VPS13B: variants seen among roughly 807,000 people sequenced by gnomAD.
VPS13B encodes the protein intermembrane lipid transfer protein VPS13B.
In VPS13B, 285 loss-of-function variants were observed where a neutral mutation model predicts 426.4. The observed-to-expected ratio is 0.67, with a 90% CI of 0.61 to 0.74. The LOEUF (loss-of-function observed/expected upper bound fraction) is 0.74. Ranked by LOEUF, VPS13B falls within the 30% of genes least tolerant of loss-of-function variation. The pLI, the probability that VPS13B is intolerant of heterozygous loss-of-function variation, is 0.00. For missense variants in VPS13B, 4,537 were observed against 4,782.6 expected (o/e 0.95, Z 1.51); for synonymous variants, 1,676 against 1,676.4 (o/e 1.00, Z 0.01).
At chr8:99,384,730 G>A (rs148927763) in intron 20 of VPS13B, among the ~76,000 whole-genome samples, 183 of 152,200 alleles carry the variant, frequency 1.2e-3, no homozygotes, top group African/African-American at 4.1e-3. Flanking sequence ...GCGTGATCTC[G>A]GCCCACTCCC....
At chr8:99,064,328 C>T (rs766246720) in intron 3 of VPS13B, among the ~76,000 whole-genome samples, 7 of 152,078 alleles carry the variant, frequency 4.6e-5, no homozygotes, top group Non-Finnish European at 8.8e-5. Context: ...GGAGGATGGT[C>T]GAATCCATTG....
intron 35 of VPS13B, among the ~76,000 whole-genome samples, chr8:99,679,463 A>G (rs1188782800): frequency 6.6e-6 from 1 of 152,148 alleles, no homozygotes; most frequent in Non-Finnish European, 1.5e-5. Context: ...TGATTTGGGG[A>G]GGATTATGAA....
At chr8:99,365,556 G>C (rs548164999) in intron 19 of VPS13B, among the ~76,000 whole-genome samples, 2 of 122,284 alleles carry the variant, frequency 1.6e-5, no homozygotes, top group African/African-American at 3.2e-5. Context: ...TCGCTCTGTC[G>C]CCCAGGCTGG....
At chr8:99,809,266 A>T in intron 43 of VPS13B, 109 bp from the exon 44 acceptor site, 2 of 1,417,584 alleles carry the variant, frequency 1.4e-6, no homozygotes, top group Non-Finnish European at 2.0e-6. Context: ...AAGAAAACAG[A>T]TGCAAAATAT....
chr8:99,453,379 A>G (rs2133467429), intron 23 of VPS13B, among the ~76,000 whole-genome samples: 1 of 152,342 alleles, frequency 6.6e-6, no homozygotes, highest in South Asian at 2.1e-4. Context: ...CTCAGAAACT[A>G]ACTTCCAATT....
chr8:99,241,398 CTT>C lies in VPS13B; in HGVS notation c.2516-32797_2516-32796del, dbSNP rs1588167137. On this transcript the variant is annotated intron_variant, in intron 17 of 61. Coordinates refer to ENST00000357162, the MANE Select transcript of VPS13B (RefSeq NM_152564.5). Reference sequence around the variant, plus strand: ...TATAATTATGAATGATATATATTCTCTTTTGTGGCTAGAGTCAGTCAGGTCTT... The same window carrying C: ...TATAATTATGAATGATATATATTCTCTTGTGGCTAGAGTCAGTCAGGTCTT... The C allele has an allele frequency of 2.0e-5, 3 of 152,212 alleles. No individual in the cohort carries two copies. In the East Asian group the frequency reaches 5.8e-4, roughly 29 times the overall value. The allele number at this position is 152,212 out of a possible 1,614,324, so 9.4% of individuals were successfully genotyped here.
chr8:99,852,222 A>G (rs1351530345), intron 55 of VPS13B, among the ~76,000 whole-genome samples: 3 of 152,228 alleles, frequency 2.0e-5, no homozygotes, highest in Non-Finnish European at 4.4e-5. Context: ...TTGGTTATAG[A>G]CATGATAAGC....
intron 30 of VPS13B, among the ~76,000 whole-genome samples, chr8:99,534,970 A>G (rs1823122777): frequency 6.6e-6 from 1 of 152,178 alleles, no homozygotes; most frequent in Admixed American, 6.5e-5. Context: ...AAACCTGTAA[A>G]TGTGAGAAGC....
intron 33 of VPS13B, 166 bp downstream of exon 33, chr8:99,577,799 A>G (rs1588512418): frequency 1.9e-6 from 2 of 1,046,268 alleles, no homozygotes; most frequent in East Asian, 5.3e-5. Context: ...TTTATTTTAG[A>G]AATTTGTTTG....
Position 99,835,264 on chromosome 8 carries a change from C to A in VPS13B, c.9682C>A (p.Pro3228Thr), listed in dbSNP as rs1563499426. The A allele has an allele frequency of 5.0e-6, 8 of 1,613,752 alleles. No individual in the cohort carries two copies. Among genetic ancestry groups the A allele is most frequent in the East Asian group, 4.5e-5 (2 of 44,822 alleles). ...TYLTLSEDPS[P>T]RVIIHNRCPV... ...TTTAACCCTCTCAGAAGACCCTAGTCCTCGAGTAATTATCCACAATAGATG... is the reference window on the plus strand; with the variant it reads ...TTTAACCCTCTCAGAAGACCCTAGTACTCGAGTAATTATCCACAATAGATG... The change falls in exon 53 of 62, where the codon CCT becomes ACT. Residue 3228 changes from proline to threonine, a missense_variant. Physicochemically the swap from Pro to Thr is conservative, Grantham distance 38 (BLOSUM62 -1). This residue lies in a region of VPS13B where 4,311 missense variants were observed against 4,474.3 expected (regional missense o/e 0.96). Coordinates refer to ENST00000357162, the MANE Select transcript of VPS13B (RefSeq NM_152564.5).
At chr8:99,253,566 G>A (rs1817610770) in intron 17 of VPS13B, among the ~76,000 whole-genome samples, 1 of 152,054 alleles carries the variant, frequency 6.6e-6, no homozygotes, top group Admixed American at 6.6e-5. Context: ...ATATATTGAT[G>A]TTTATATAAT....
chr8:99,417,704 TAATC>T (rs1207391488), intron 21 of VPS13B, among the ~76,000 whole-genome samples: 1 of 152,180 alleles, frequency 6.6e-6, no homozygotes, highest in Non-Finnish European at 1.5e-5. Context: ...AAGACAGTGT[TAATC>T]AGTGTGCTCA....
chr8:99,015,168 T>C (rs1253601583), intron 2 of VPS13B, among the ~76,000 whole-genome samples: 2 of 151,904 alleles, frequency 1.3e-5, no homozygotes, highest in Admixed American at 1.3e-4. Context: ...AATATTTTCA[T>C]TTTATTTTAT....
In VPS13B at chr8:99,481,716, A is replaced by G. The variant is rs199872639; in HGVS notation, c.3784A>G (p.Thr1262Ala). The G allele has an allele frequency of 3.4e-5, 55 of 1,613,902 alleles. 1 individual carries two copies. In the Middle Eastern group the frequency reaches 4.9e-4, roughly 14 times the overall value. ...AGAGACCATGGCAGGGCCTGTTCCT[A>G]CTTCTCCAGTTAGAAGCAGTATAGG... is the stretch of plus-strand genomic sequence containing the variant. ...SPETMAGPVP[T>A]SPVRSSIGTA... The change falls in exon 25 of 62, where the codon ACT (threonine) becomes GCT (alanine). Residue 1262 changes from threonine (T) to alanine (A), a missense_variant. Thr to Ala is a moderately conservative substitution (Grantham distance 58). Coordinates refer to ENST00000357162, the MANE Select transcript of VPS13B (RefSeq NM_152564.5).
intron 3 of VPS13B, among the ~76,000 whole-genome samples, chr8:99,089,487 T>C (rs1034764190): frequency 7.9e-5 from 12 of 152,078 alleles, no homozygotes; most frequent in African/African-American, 2.9e-4. Flanking sequence ...TCAATATATA[T>C]CAAATGTACA....
intron 16 of VPS13B, among the ~76,000 whole-genome samples, chr8:99,192,477 C>T (rs1431381564): frequency 6.6e-6 from 1 of 152,272 alleles, no homozygotes; most frequent in East Asian, 1.9e-4. Flanking sequence ...GTACCTCCCT[C>T]ATAGAGTTAT....
At chr8:99,741,145 G>A (rs561521184) in intron 39 of VPS13B, among the ~76,000 whole-genome samples, 18 of 151,506 alleles carry the variant, frequency 1.2e-4, no homozygotes, top group Non-Finnish European at 2.4e-4. Flanking sequence ...CAAGCAAATG[G>A]AAAACAAAAA....
intron 19 of VPS13B, among the ~76,000 whole-genome samples, chr8:99,376,760 A>G (rs1813510184): frequency 6.6e-6 from 1 of 152,218 alleles, no homozygotes; most frequent in South Asian, 2.1e-4. Flanking sequence ...CATCTTGTCC[A>G]GTTTGCATAC....
At chr8:99,324,127 C>A (rs903417762) in intron 19 of VPS13B, among the ~76,000 whole-genome samples, 3 of 152,138 alleles carry the variant, frequency 2.0e-5, no homozygotes, top group South Asian at 2.1e-4. Context: ...AGTAGGAGAT[C>A]GTTAAAACTC....
Sources: gnomAD v4.1 joint callset for allele counts (sites outside exome capture counted in the v4.1 genomes callset) on GRCh38, gnomAD v4.1.1 for gene constraint, gnomAD v4.1.1 regional missense constraint, MANE v1.5 for transcripts, NCBI Gene and HGNC (gene_info 2026-07-23, HGNC 2026-07-21) for gene names.